INAVA: variants seen among roughly 807,000 people sequenced by gnomAD.
INAVA encodes innate immunity activator.
Under a neutral mutation model 55.3 loss-of-function variants are expected in INAVA, and 32 were observed. The ratio of observed to expected loss-of-function variants is 0.58; its 90% CI spans 0.44 to 0.78. The LOEUF (loss-of-function observed/expected upper bound fraction) is 0.78, where lower values mean the gene tolerates loss of function less well. Among genes scored for constraint, INAVA ranks in the 30% least tolerant of loss-of-function variants. The pLI, the probability that INAVA is intolerant of heterozygous loss-of-function variation, is 0.00. For missense variants in INAVA, 756 were observed against 786.4 expected (o/e 0.96, Z 0.46); for synonymous variants, 294 against 329.4 (o/e 0.89, Z 1.16).
chr1:200,891,663 G>C, upstream of INAVA: 1 of 1,495,836 alleles, frequency 6.7e-7, no homozygotes, highest in Non-Finnish European at 8.9e-7. Context: ...AGTGGAGGGC[G>C]CAGGGGCAGG....
At chr1:200,908,251 G>A (rs964420727) in intron 6 of INAVA, 1 of 229,302 alleles carries the variant, frequency 4.4e-6, no homozygotes, top group Admixed American at 5.2e-5. Context: ...TTAAAAGAAG[G>A]GAGCAGGAAG....
At chr1:200,904,295 T>C (rs1188008742) in intron 5 of INAVA, among the ~76,000 whole-genome samples, 1 of 152,048 alleles carries the variant, frequency 6.6e-6, no homozygotes, top group East Asian at 1.9e-4. Flanking sequence ...CACCAAATTG[T>C]CCAAGCTAGT....
At chr1:200,892,454 AAG>A (rs1380873572), upstream of INAVA, among the ~76,000 whole-genome samples, 2 of 152,138 alleles carry the variant, frequency 1.3e-5, no homozygotes, top group Non-Finnish European at 2.9e-5. Flanking sequence ...AGCGCTGGGG[AAG>A]AGTTTTCTGA....
intron 4 of INAVA, 109 bp from the exon 5 acceptor site, chr1:200,900,828 C>T: frequency 1.2e-6 from 1 of 801,338 alleles, no homozygotes; most frequent in East Asian, 2.8e-5. Flanking sequence ...CTCTTCTGTC[C>T]TCAGGGCTTA....
In INAVA at chr1:200,899,419, G is replaced by A. The variant is rs111685256; in HGVS notation, c.56-54G>A. 9.3e-5 allele frequency: 149 copies of A among 1,609,328 alleles called. 1 individual carries two copies. The highest frequency in any genetic ancestry group is 1.1e-4 in the East Asian group (5 of 44,822). The stretch of plus-strand genomic sequence containing the variant: ...CCCCTAGGGGTGGTCAATAAGTAAC[G>A]GAGGAGGCTTCCATCTTCAGCCTCC... On this transcript the variant is annotated intron_variant, in intron 2 of 9. Transcript: ENST00000413687.
At chr1:200,897,958 T>G (rs1034211477) in intron 1 of INAVA, among the ~76,000 whole-genome samples, 1 of 152,214 alleles carries the variant, frequency 6.6e-6, no homozygotes, top group African/African-American at 2.4e-5. Context: ...TCCCATTTTT[T>G]GTCCCCTTCC....
At chr1:200,910,228 A>G (rs1557969227) in intron 8 of INAVA, among the ~76,000 whole-genome samples, 1 of 152,254 alleles carries the variant, frequency 6.6e-6, no homozygotes, top group Non-Finnish European at 1.5e-5. Context: ...GTTTAACCTC[A>G]GAACTTAAAG....
In INAVA at chr1:200,907,821, T is replaced by A; in HGVS notation, c.521-13T>A. On this transcript the variant is annotated splice_polypyrimidine_tract_variant and intron_variant, in intron 5 of 9. Coordinates refer to ENST00000413687, the MANE Select transcript of INAVA (RefSeq NM_001142569.3). ...TTCACTTCCTTCTCTTCTCTCCCCT[T>A]TGTCTTTCGCAGAGCTCAGTGCCTC... is the stretch of plus-strand genomic sequence containing the variant. 7 of 1,608,146 alleles carry A rather than the reference T, an allele frequency of 4.4e-6. No individual in the cohort carries two copies. Among genetic ancestry groups the A allele is most frequent in the Non-Finnish European group, 6.0e-6 (7 of 1,174,966 alleles).
upstream of INAVA, chr1:200,891,747 G>A (rs1474436187): frequency 7.4e-7 from 1 of 1,351,614 alleles, no homozygotes; most frequent in Non-Finnish European, 9.8e-7. Flanking sequence ...GAACTGGGGC[G>A]GGGGATCGGG....
Position 200,898,287 on chromosome 1 carries a change from G to A in INAVA, c.-94-20G>A, listed in dbSNP as rs1313457687. On this transcript the variant is annotated intron_variant, in intron 1 of 9. Coordinates refer to ENST00000413687, the MANE Select transcript of INAVA (RefSeq NM_001142569.3). Reference sequence around the variant, plus strand: ...GTTCATATCTAGCTTTTTTGTTATTGTTCTCTTTTCTCTTTAAAGCTGGGG... The same window carrying A: ...GTTCATATCTAGCTTTTTTGTTATTATTCTCTTTTCTCTTTAAAGCTGGGG... 1 of 1,600,338 alleles carries A rather than the reference G, an allele frequency of 6.2e-7. No individual in the cohort carries two copies.
Position 200,894,946 on chromosome 1 carries a change from C to CG in INAVA, c.-234dup, listed in dbSNP as rs1035501975. 2.0e-6 allele frequency: 2 copies of CG among 985,640 alleles called. No homozygotes were observed. Among genetic ancestry groups the CG allele is most frequent in the African/African-American group, 3.5e-5 (2 of 57,206 alleles). The allele number at this position is 985,640 out of a possible 1,614,324, so 61.1% of individuals were successfully genotyped here. On this transcript the variant is annotated 5_prime_UTR_variant, in exon 1 of 10. Coordinates refer to ENST00000413687, the MANE Select transcript of INAVA (RefSeq NM_001142569.3). ...AGGTAGGCAGGTGAGCCGAGACGGA[C>CG]GGACGGCCAGCAGCTCCGTCAGCTG...
chr1:200,893,770 C>T (rs1668281346), upstream of INAVA, among the ~76,000 whole-genome samples: 4 of 152,074 alleles, frequency 2.6e-5, no homozygotes, highest in South Asian at 8.3e-4. Context: ...TGCTGGGGGA[C>T]TCCAGCCCCA....
chr1:200,907,064 C>T (rs1653521760), intron 5 of INAVA, among the ~76,000 whole-genome samples: 1 of 152,080 alleles, frequency 6.6e-6, no homozygotes, highest in African/African-American at 2.4e-5. Context: ...GGGCTTAAGC[C>T]ATCTGCTGCC....
In INAVA at chr1:200,915,602, C is replaced by A. The variant is rs1025979763; in HGVS notation, c.*1973C>A. On this transcript the variant is annotated 3_prime_UTR_variant, in exon 10 of 10. Coordinates refer to ENST00000413687, the MANE Select transcript of INAVA (RefSeq NM_001142569.3). ...CACTGGCCCTCCACACCTAAGCGTC[C>A]TTTACATTAACTTATTGGTCTTGTA... The A allele has an allele frequency of 6.6e-6, 1 of 151,992 alleles. No individual in the cohort carries two copies. Among genetic ancestry groups the A allele is most frequent in the Non-Finnish European group, 1.5e-5 (1 of 67,964 alleles). 9.4% of individuals were successfully genotyped at this position (151,992 alleles called of 1,614,324 possible). A position where few individuals can be genotyped will look rare whatever the true frequency, so the allele number is the denominator to read the frequency against.
intron 4 of INAVA, 24 bp from the exon 5 acceptor site, chr1:200,900,913 C>A: frequency 1.3e-6 from 2 of 1,516,558 alleles, no homozygotes; most frequent in East Asian, 2.5e-5. Flanking sequence ...CTCTCTCTAG[C>A]CTCACTCCTG....
intron 9 of INAVA, 87 bp from the exon 10 acceptor site, chr1:200,913,450 G>T: frequency 3.0e-6 from 3 of 984,876 alleles, no homozygotes; most frequent in Admixed American, 1.8e-5. Context: ...TGTCCCTAAG[G>T]GATAAGGATG....
At chr1:200,898,244 C>A in intron 1 of INAVA, 63 bp from the exon 2 acceptor site, 1 of 1,556,510 alleles carries the variant, frequency 6.4e-7, no homozygotes. Context: ...ATCTATTCAG[C>A]TTTTTGTAAC....
chr1:200,900,717 G>T (rs773535298), intron 4 of INAVA, among the ~76,000 whole-genome samples: 2 of 152,216 alleles, frequency 1.3e-5, no homozygotes, highest in Non-Finnish European at 2.9e-5. Flanking sequence ...CTGGTGGGTG[G>T]GTGCCCATGC....
Position 200,911,704 on chromosome 1 carries a change from A to C in INAVA, c.1211A>C (p.His404Pro), listed in dbSNP as rs1653736887. Residue 404 changes from histidine to proline, a missense_variant, in exon 9 of 10, where the codon CAT becomes CCT. His to Pro is a moderately conservative substitution (Grantham distance 77). Transcript: ENST00000413687. Reference protein sequence around the residue: ...FLQPLSPPKTHRHRGAWVPAG... With the variant: ...FLQPLSPPKTPRHRGAWVPAG... ...CAGCCTCTCTCCCCTCCCAAGACCCATCGTCACCGCGGGGCCTGGGTCCCA... is the reference window on the plus strand; with the variant it reads ...CAGCCTCTCTCCCCTCCCAAGACCCCTCGTCACCGCGGGGCCTGGGTCCCA... The C allele has an allele frequency of 1.2e-6, 2 of 1,613,506 alleles. No homozygotes were observed. Among genetic ancestry groups the C allele is most frequent in the African/African-American group, 1.3e-5 (1 of 74,964 alleles).
Sources: gnomAD v4.1 joint callset for allele counts (sites outside exome capture counted in the v4.1 genomes callset) on GRCh38, gnomAD v4.1.1 for gene constraint, MANE v1.5 for transcripts, NCBI Gene and HGNC (gene_info 2026-07-23, HGNC 2026-07-21) for gene names.